PKHD1L1: variants seen among roughly 807,000 people sequenced by gnomAD.
PKHD1L1 encodes the protein PKHD1 like 1.
PKHD1L1 carries 434 observed loss-of-function variants against 462.9 expected under a neutral mutation model. The observed-to-expected ratio is 0.94, with a 90% CI of 0.87 to 1.02. PKHD1L1 has a LOEUF of 1.02. PKHD1L1 is among the 50% of genes least tolerant of loss of function. The probability of loss-of-function intolerance (pLI) is 0.00; values close to 1 mark genes in which losing one functional copy is unlikely to be tolerated. For missense variants in PKHD1L1, 5,202 were observed against 5,096.1 expected, an observed-to-expected ratio of 1.02 and a Z score of -0.63; for synonymous variants, 1,781 against 1,750.0, an observed-to-expected ratio of 1.02 and a Z score of -0.44.
rs1813094343 is a variant in PKHD1L1 at position 109,398,563 on chromosome 8, G to A, written c.1012+15G>A. On this transcript the variant is annotated intron_variant, in intron 12 of 77. Coordinates refer to ENST00000378402, the MANE Select transcript of PKHD1L1 (RefSeq NM_177531.6). ...TGTATATCCAGGTAAGTTACCATAA[G>A]GGACAATGGCCATTTCTATATTCAC... is the stretch of plus-strand genomic sequence containing the variant. The A allele has an allele frequency of 7.4e-7, 1 of 1,345,576 alleles. No individual in the cohort carries two copies. The highest frequency in any genetic ancestry group is 2.5e-5 in the East Asian group (1 of 39,554). The allele number at this position is 1,345,576 out of a possible 1,614,324, so 83.4% of individuals were successfully genotyped here. A position where few individuals can be genotyped will look rare whatever the true frequency, so the allele number is the denominator to read the frequency against.
chr8:109,363,650 T>C (rs1381700178), intron 1 of PKHD1L1, among the ~76,000 whole-genome samples: 1 of 152,192 alleles, frequency 6.6e-6, no homozygotes, highest in Non-Finnish European at 1.5e-5. Context: ...CTGTGTAGCT[T>C]TGAGTTGTTT....
At chr8:109,438,761 C>T in intron 31 of PKHD1L1, 136 bp from the exon 32 acceptor site, 4 of 732,990 alleles carry the variant, frequency 5.5e-6, no homozygotes, top group South Asian at 2.4e-5. Flanking sequence ...ATTGTTTTTC[C>T]TTTTGCCTCT....
intron 6 of PKHD1L1, among the ~76,000 whole-genome samples, chr8:109,387,441 G>T (rs1812497119): frequency 6.6e-6 from 1 of 152,140 alleles, no homozygotes; most frequent in African/African-American, 2.4e-5. Flanking sequence ...TGGAATTCTT[G>T]CTCTACCCGT....
rs780890319 is a variant in PKHD1L1 at position 109,464,919 on chromosome 8, G to A, written c.8087G>A (p.Trp2696Ter). The A allele has an allele frequency of 5.0e-6, 8 of 1,613,810 alleles. No homozygotes were observed. The highest frequency in any genetic ancestry group is 1.6e-4 in the Middle Eastern group (1 of 6,062). ...KRILAPYVGG[W>*]GETNGAVIKN... ...ATCCTGGCTCCTTATGTTGGAGGGT[G>A]GGGTGAAACCAATGGAGCGGTGATT... The change falls in exon 49 of 78, where the codon TGG becomes TAG. Residue 2696 changes from tryptophan (W) to a stop codon, truncating the protein, a stop_gained. Transcript: ENST00000378402. LOFTEE classifies it high-confidence loss of function.
At chr8:109,484,314 A>G (rs902532163) in intron 57 of PKHD1L1, among the ~76,000 whole-genome samples, 2 of 151,886 alleles carry the variant, frequency 1.3e-5, no homozygotes, top group African/African-American at 4.8e-5. Context: ...TATTTAACCA[A>G]GTGTCACACA....
chr8:109,434,295 T>C (rs1196513115), intron 28 of PKHD1L1, among the ~76,000 whole-genome samples: 1 of 151,952 alleles, frequency 6.6e-6, no homozygotes, highest in Non-Finnish European at 1.5e-5. Context: ...CATGAAATCC[T>C]CAATATCAAA....
In PKHD1L1 at chr8:109,531,951, G is replaced by A. The variant is rs774507701; in HGVS notation, c.*1861G>A. ...GCAAATCTAGTTTACTGTTCATTCC[G>A]TGATACTTCCTTTCTGTTGGAAAAC... On this transcript the variant is annotated 3_prime_UTR_variant, in exon 78 of 78. Coordinates refer to ENST00000378402, the MANE Select transcript of PKHD1L1 (RefSeq NM_177531.6). Among the ~76,000 whole-genome samples, 15 of 152,266 alleles carry A rather than the reference G, an allele frequency of 9.9e-5. No homozygotes were observed. The highest frequency in any genetic ancestry group is 1.9e-4 in the East Asian group (1 of 5,182).
Position 109,396,128 on chromosome 8 carries a change from C to G in PKHD1L1, c.913C>G (p.Leu305Val), listed in dbSNP as rs1003290648. 3.1e-6 allele frequency: 5 copies of G among 1,605,178 alleles called. No homozygotes were observed. In the Admixed American group the frequency reaches 8.4e-5, roughly 27 times the overall value. ...TCAGACAGATTTCCCCGTCAGAGTT[C>G]TAGTTGGAGGTATTTCTCATGGTTT... Reference protein sequence around the residue: ...FDQTDFPVRVLVGGEPCDILN... With the variant: ...FDQTDFPVRVVVGGEPCDILN... The change falls in exon 11 of 78, where the codon CTA (leucine) becomes GTA (valine). Residue 305 changes from leucine (L) to valine (V), a missense_variant. Physicochemically the swap from Leu to Val is conservative, Grantham distance 32. Transcript: ENST00000378402.
chr8:109,423,196 T>C (rs906567905), intron 23 of PKHD1L1, among the ~76,000 whole-genome samples: 5 of 152,122 alleles, frequency 3.3e-5, no homozygotes, highest in African/African-American at 1.2e-4. Context: ...GCTTTTGGTT[T>C]CAAGTCTAAG....
In PKHD1L1 at chr8:109,464,389, T is replaced by C; in HGVS notation, c.7557T>C (p.Tyr2519=). Residue 2519 remains tyrosine, a synonymous_variant, in exon 49 of 78, where the codon TAT becomes TAC. Transcript: ENST00000378402. ...HHLLVERNII[Y]DIKGGAFFIE... is the part of the protein sequence containing the mutation. Reference sequence around the variant, plus strand: ...TTCTGGTTGAGAGGAATATTATATATGATATTAAGGGAGGAGCATTTTTTA... The same window carrying C: ...TTCTGGTTGAGAGGAATATTATATACGATATTAAGGGAGGAGCATTTTTTA... The C allele has an allele frequency of 6.2e-7, 1 of 1,613,384 alleles. No individual in the cohort carries two copies. The highest frequency in any genetic ancestry group is 1.1e-5 in the South Asian group (1 of 91,056).
chr8:109,479,435 T>TG (rs1818160504), intron 53 of PKHD1L1, 116 bp from the exon 54 acceptor site: 2 of 704,652 alleles, frequency 2.8e-6, no homozygotes, highest in Admixed American at 5.5e-5. Flanking sequence ...AGCGTGCATT[T>TG]TTTTTCTTCT....
At chr8:109,395,886 T>A in intron 10 of PKHD1L1, 141 bp from the exon 11 acceptor site, 2 of 583,692 alleles carry the variant, frequency 3.4e-6, no homozygotes. Flanking sequence ...GAGAAAGTAA[T>A]GAAACACCTA....
chr8:109,370,473 A>T (rs1811444663), intron 2 of PKHD1L1, among the ~76,000 whole-genome samples: 1 of 151,216 alleles, frequency 6.6e-6, no homozygotes, highest in Admixed American at 6.6e-5. Flanking sequence ...ATTTTTTCTT[A>T]TATTTTATTT....
intron 76 of PKHD1L1, 95 bp from the exon 77 acceptor site, chr8:109,526,689 A>T: frequency 1.9e-6 from 2 of 1,027,274 alleles, no homozygotes; most frequent in Non-Finnish European, 2.8e-6. Context: ...CAGGATCTAT[A>T]TAGTGTTTTT....
chr8:109,404,592 G>A lies in PKHD1L1; in HGVS notation c.1412G>A (p.Ser471Asn), dbSNP rs1047240903. 2 of 1,594,488 alleles carry A rather than the reference G, an allele frequency of 1.3e-6. No homozygotes were observed. The highest frequency in any genetic ancestry group is 1.7e-5 in the Admixed American group (1 of 57,634). The change falls in exon 15 of 78, where the codon AGT becomes AAT. Residue 471 changes from serine (S) to asparagine (N), a missense_variant. By Grantham distance (46) the Ser-to-Asn change is conservative (BLOSUM62 1). Coordinates refer to ENST00000378402, the MANE Select transcript of PKHD1L1 (RefSeq NM_177531.6). ...ATCTTGCTGCAGGAGTACAGATTAAGTGCATTTGTTGATGTTGGACTGTAC... is the reference window on the plus strand; with the variant it reads ...ATCTTGCTGCAGGAGTACAGATTAAATGCATTTGTTGATGTTGGACTGTAC... ...IEILLQEYRL[S>N]AFVDVGLYQY...
chr8:109,482,030 A>G (rs1275663964), intron 56 of PKHD1L1, among the ~76,000 whole-genome samples: 6 of 151,826 alleles, frequency 4.0e-5, no homozygotes, highest in Non-Finnish European at 8.8e-5. Flanking sequence ...CAATTACCCA[A>G]TCACAGCTGT....
At chr8:109,444,524 C>T (rs1180935323) in intron 37 of PKHD1L1, 137 bp from the exon 38 acceptor site, 3 of 811,304 alleles carry the variant, frequency 3.7e-6, no homozygotes, top group Non-Finnish European at 5.7e-6. Flanking sequence ...CAGCCCCTCC[C>T]AAATTAAATT....
chr8:109,481,567 G>C lies in PKHD1L1; in HGVS notation c.9457+5G>C. ...ATCAAGGGGCAAAGGTCTTAGGTGT[G>C]TGTCTACAGATACCAAAAGTGTCAC... On this transcript the variant is annotated splice_donor_5th_base_variant and intron_variant, in intron 56 of 77. Transcript: ENST00000378402. 6.4e-7 allele frequency: 1 copy of C among 1,563,412 alleles called. No homozygotes were observed. Among genetic ancestry groups the C allele is most frequent in the Non-Finnish European group, 8.6e-7 (1 of 1,158,024 alleles).
intron 29 of PKHD1L1, among the ~76,000 whole-genome samples, chr8:109,435,618 C>T (rs1815365836): frequency 1.3e-5 from 2 of 152,172 alleles, no homozygotes; most frequent in South Asian, 4.1e-4. Flanking sequence ...ATAACAAGCA[C>T]ATCAATTATG....
Sources: gnomAD v4.1 joint callset for allele counts (sites outside exome capture counted in the v4.1 genomes callset) on GRCh38, gnomAD v4.1.1 for gene constraint, MANE v1.5 for transcripts, NCBI Gene and HGNC (gene_info 2026-07-23, HGNC 2026-07-21) for gene names.